The following WDR62 variants were observed in gnomAD, a reference collection of about 807,000 sequenced individuals.
WDR62 encodes WD repeat domain 62.
A neutral mutation model predicts 160.6 loss-of-function variants in WDR62; 112 were observed. The observed-to-expected ratio is 0.70, with a 90% confidence interval of 0.60 to 0.82. The LOEUF (loss-of-function observed/expected upper bound fraction) is 0.82. Ranked by LOEUF, WDR62 falls within the 40% of genes least tolerant of loss-of-function variation. The probability of loss-of-function intolerance (pLI) is 0.00; values close to 1 mark genes in which losing one functional copy is unlikely to be tolerated. For missense variants in WDR62, 1,819 were observed against 1,983.8 expected, an observed-to-expected ratio of 0.92 and a Z score of 1.58; for synonymous variants, 792 against 815.1, an observed-to-expected ratio of 0.97 and a Z score of 0.48.
Position 36,058,798 on chromosome 19 carries a change from C to A in WDR62, c.196C>A (p.Leu66Ile), listed in dbSNP as rs772875942. 2.5e-6 allele frequency: 4 copies of A among 1,614,172 alleles called. No homozygotes were observed. In the East Asian group the frequency reaches 8.9e-5, roughly 36 times the overall value. Residue 66 changes from leucine to isoleucine, a missense_variant, in exon 2 of 32, where the codon CTT (leucine) becomes ATT (isoleucine). By Grantham distance (5) the Leu-to-Ile change is conservative. Transcript: ENST00000401500. ...VQNRVSLEKVLGITAQNSSGL... is the reference protein window; with the variant it reads ...VQNRVSLEKVIGITAQNSSGL... ...TTTGCAGGTGTCACTCGAGAAGGTG[C>A]TTGGCATCACAGCCCAGAACAGCAG...
chr19:36,066,404 G>A lies in WDR62; in HGVS notation c.538G>A (p.Val180Met). The A allele has an allele frequency of 5.0e-6, 8 of 1,608,038 alleles. No homozygotes were observed. Among genetic ancestry groups the A allele is most frequent in the Non-Finnish European group, 6.8e-6 (8 of 1,177,196 alleles). The change falls in exon 5 of 32, where the codon GTG (valine) becomes ATG (methionine). Residue 180 changes from valine (V) to methionine (M), a missense_variant. Physicochemically the swap from Val to Met is conservative, Grantham distance 21. This residue lies in a region of WDR62 where 934 missense variants were observed against 1,157.2 expected (regional missense o/e 0.81). Transcript: ENST00000401500. Reference sequence around the variant, plus strand: ...GTCCATGGGCTACCAACATGACATGGTGCTCAACGTCTGGGACTGGAAGGT... The same window carrying A: ...GTCCATGGGCTACCAACATGACATGATGCTCAACGTCTGGGACTGGAAGGT... ...IVSMGYQHDMVLNVWDWKKDI... is the reference protein window; with the variant it reads ...IVSMGYQHDMMLNVWDWKKDI...
At chr19:36,060,160 T>G in intron 3 of WDR62, 130 bp downstream of exon 3, 1 of 952,972 alleles carries the variant, frequency 1.0e-6, no homozygotes, top group Non-Finnish European at 1.7e-6. Context: ...TCAGCAGCAT[T>G]CGCCTGTGCT....
chr19:36,057,796 G>A (rs1253020740), intron 1 of WDR62, among the ~76,000 whole-genome samples: 3 of 152,178 alleles, frequency 2.0e-5, no homozygotes, highest in African/African-American at 7.2e-5. Flanking sequence ...TACTGTTCAT[G>A]TGGTTTTTTA....
intron 18 of WDR62, 31 bp from the exon 19 acceptor site, chr19:36,092,658 T>C: frequency 1.2e-6 from 2 of 1,613,682 alleles, no homozygotes; most frequent in Non-Finnish European, 1.7e-6. Context: ...ACTCTTCCTC[T>C]GCCTTGTGTG....
In WDR62 at chr19:36,066,038, T is replaced by C. The variant is rs760074943; in HGVS notation, c.390+23T>C. The C allele has an allele frequency of 2.0e-5, 33 of 1,613,182 alleles. 1 individual carries two copies. In the South Asian group the frequency reaches 3.5e-4, roughly 17 times the overall value. On this transcript the variant is annotated intron_variant, in intron 4 of 31. Coordinates refer to ENST00000401500, the MANE Select transcript of WDR62 (RefSeq NM_001083961.2). ...GAGGTGAGTCGTGATCGTGACTGAG[T>C]GGGAGTCGGGGGCTGGGGGGTCTTG...
chr19:36,066,553 T>C, intron 5 of WDR62, 126 bp downstream of exon 5: 1 of 1,016,134 alleles, frequency 9.8e-7, no homozygotes, highest in Non-Finnish European at 1.5e-6. Context: ...TAACAGCTAT[T>C]GAGCACCTGT....
chr19:36,069,198 G>T (rs1476264616), intron 7 of WDR62, among the ~76,000 whole-genome samples: 3 of 152,032 alleles, frequency 2.0e-5, no homozygotes, highest in African/African-American at 7.2e-5. Context: ...CCGGGACGGG[G>T]CGGCTGCTGG....
At chr19:36,058,208 C>T (rs970033436) in intron 1 of WDR62, among the ~76,000 whole-genome samples, 1 of 152,060 alleles carries the variant, frequency 6.6e-6, no homozygotes, top group Non-Finnish European at 1.5e-5. Context: ...AAAAATTAGC[C>T]GGACATGGTG....
rs1420349470 is a variant in WDR62 at position 36,102,798 on chromosome 19, C to T, written c.3282C>T (p.Asn1094=). ...EASEAEDHFF[N]PRLSISTQFL... ...CTGAAGCTGAAGACCACTTCTTCAA[C>T]CCACGCCTGAGTATCTCCACGCAGT... The change falls in exon 27 of 32, where the codon AAC becomes AAT. Residue 1094 remains asparagine (N), a synonymous_variant. Coordinates refer to ENST00000401500, the MANE Select transcript of WDR62 (RefSeq NM_001083961.2). 2 of 1,614,220 alleles carry T rather than the reference C, an allele frequency of 1.2e-6. No individual in the cohort carries two copies. Among genetic ancestry groups the T allele is most frequent in the African/African-American group, 1.3e-5 (1 of 75,066 alleles).
intron 1 of WDR62, among the ~76,000 whole-genome samples, chr19:36,058,381 T>G (rs890782665): frequency 3.3e-5 from 5 of 152,226 alleles, no homozygotes; most frequent in Admixed American, 2.0e-4. Context: ...ACTTAGAAAC[T>G]TATTCACAGG....
intron 3 of WDR62, 60 bp downstream of exon 3, chr19:36,060,090 C>A (rs1970570413): frequency 1.3e-6 from 2 of 1,522,862 alleles, no homozygotes; most frequent in Admixed American, 1.7e-5. Context: ...CGCCTCCCCT[C>A]CCCTACACAG....
At chr19:36,092,966 T>C (rs1188783200) in intron 19 of WDR62, among the ~76,000 whole-genome samples, 155 bp downstream of exon 19, 1 of 152,182 alleles carries the variant, frequency 6.6e-6, no homozygotes, top group African/African-American at 2.4e-5. Flanking sequence ...AATATGCAGT[T>C]ACAGTAATAG....
downstream of WDR62, among the ~76,000 whole-genome samples, chr19:36,106,232 G>A (rs1568376321): frequency 6.6e-6 from 1 of 152,080 alleles, no homozygotes; most frequent in Non-Finnish European, 1.5e-5. Flanking sequence ...GGGGTGTGGT[G>A]GTGCACACCT....
downstream of WDR62, among the ~76,000 whole-genome samples, chr19:36,105,376 T>A (rs116517996): frequency 5.3e-4 from 80 of 152,258 alleles, no homozygotes; most frequent in African/African-American, 1.9e-3. Flanking sequence ...ACCTGCCCCC[T>A]GCCAGTGCCT....
chr19:36,082,075 T>C (rs769811405), intron 10 of WDR62: 4 of 354,744 alleles, frequency 1.1e-5, no homozygotes, highest in Non-Finnish European at 2.2e-5. Flanking sequence ...ACCTGAGTCA[T>C]GCATTCATTT....
At position 36,104,982 on chromosome 19, in the gene WDR62, C is replaced by G; in HGVS notation, c.4526C>G (p.Ser1509Trp). Reference sequence around the variant, plus strand: ...CTGCAGGCCCTGCTGGAACACTACTCGGAGCTGCTGGTGCAGGCCGTGCGG... The same window carrying G: ...CTGCAGGCCCTGCTGGAACACTACTGGGAGCTGCTGGTGCAGGCCGTGCGG... ...PDLQALLEHY[S>W]ELLVQAVRRK... The change falls in exon 32 of 32, where the codon TCG becomes TGG. Residue 1509 changes from serine to tryptophan, a missense_variant. Coordinates refer to ENST00000401500, the MANE Select transcript of WDR62 (RefSeq NM_001083961.2). 2 of 1,604,098 alleles carry G rather than the reference C, an allele frequency of 1.2e-6. No individual in the cohort carries two copies. The highest frequency in any genetic ancestry group is 1.7e-6 in the Non-Finnish European group (2 of 1,177,724).
chr19:36,106,205 A>G (rs1973708578), downstream of WDR62, among the ~76,000 whole-genome samples: 1 of 152,082 alleles, frequency 6.6e-6, no homozygotes, highest in African/African-American at 2.4e-5. Flanking sequence ...TGTCTGCTAA[A>G]AAAGCCACTC....
At chr19:36,065,201 G>A (rs993886968) in intron 3 of WDR62, among the ~76,000 whole-genome samples, 3 of 152,164 alleles carry the variant, frequency 2.0e-5, no homozygotes, top group African/African-American at 4.8e-5. Flanking sequence ...AAGGAGCCAC[G>A]GGAAGCCTGG....
intron 13 of WDR62, among the ~76,000 whole-genome samples, chr19:36,087,299 G>A (rs1159797312): frequency 2.0e-5 from 3 of 152,060 alleles, no homozygotes; most frequent in Non-Finnish European, 4.4e-5. Flanking sequence ...GAGGTCAGGA[G>A]TTCGAGACCA....
Sources: gnomAD v4.1 joint callset for allele counts (sites outside exome capture counted in the v4.1 genomes callset) on GRCh38, gnomAD v4.1.1 for gene constraint, gnomAD v4.1.1 regional missense constraint, MANE v1.5 for transcripts, NCBI Gene and HGNC (gene_info 2026-07-23, HGNC 2026-07-21) for gene names.